RIT2: variants seen among roughly 807,000 people sequenced by gnomAD.
The protein encoded by RIT2 is Ras like without CAAX 2, also known as GTP-binding protein Rit2.
Under a neutral mutation model 23.7 loss-of-function variants are expected in RIT2, and 24 were observed. That is an observed-to-expected ratio of 1.01 (90% CI 0.73 to 1.43). The LOEUF (loss-of-function observed/expected upper bound fraction) is 1.43, where lower values mean the gene tolerates loss of function less well. RIT2 is among the 40% of genes most tolerant of loss of function. The probability of loss-of-function intolerance (pLI) is 0.00; values close to 1 mark genes in which losing one functional copy is unlikely to be tolerated. For synonymous variants in RIT2, 107 were observed against 91.1 expected (o/e 1.17, Z -0.99); for missense variants, 236 against 266.9 (o/e 0.88, Z 0.81).
chr18:42,780,994 T>C (rs1186832763), intron 4 of RIT2, among the ~76,000 whole-genome samples: 1 of 152,112 alleles, frequency 6.6e-6, no homozygotes, highest in Non-Finnish European at 1.5e-5. Context: ...AATATCTTGG[T>C]AAAAATAATC....
At chr18:43,096,839 A>C (rs1257418013) in intron 1 of RIT2, among the ~76,000 whole-genome samples, 1 of 151,868 alleles carries the variant, frequency 6.6e-6, no homozygotes, top group Admixed American at 6.6e-5. Flanking sequence ...ATGATTGATA[A>C]AATCATTTAT....
chr18:43,093,209 G>A (rs1214031536), intron 1 of RIT2, among the ~76,000 whole-genome samples: 1 of 148,570 alleles, frequency 6.7e-6, no homozygotes, highest in African/African-American at 2.6e-5. Context: ...TGAGAAAATA[G>A]AGCCCTAAAG....
chr18:43,058,112 G>A (rs1912552345), intron 1 of RIT2, among the ~76,000 whole-genome samples: 1 of 152,118 alleles, frequency 6.6e-6, no homozygotes, highest in African/African-American at 2.4e-5. Flanking sequence ...TAGCAGCCAA[G>A]TAATTTGCTG....
intron 3 of RIT2, among the ~76,000 whole-genome samples, chr18:42,940,057 A>G (rs1457974001): frequency 6.6e-6 from 1 of 151,694 alleles, no homozygotes; most frequent in Admixed American, 6.6e-5. Context: ...AATGCAGCCA[A>G]AGCCGAATAA....
At chr18:42,914,132 C>T (rs1438926723) in intron 4 of RIT2, among the ~76,000 whole-genome samples, 4 of 151,954 alleles carry the variant, frequency 2.6e-5, no homozygotes, top group South Asian at 4.1e-4. Flanking sequence ...TGAGATATCA[C>T]TATATGCTGA....
intron 1 of RIT2, among the ~76,000 whole-genome samples, chr18:43,099,899 G>A (rs9953416): frequency 0.15 from 22,941 of 152,000 alleles, 1,905 homozygotes; most frequent in Non-Finnish European, 0.18. Context: ...CTCTACTGCT[G>A]CAGCCCTGAA....
chr18:42,883,239 T>C (rs1440045679), intron 4 of RIT2, among the ~76,000 whole-genome samples: 1 of 152,146 alleles, frequency 6.6e-6, no homozygotes, highest in Non-Finnish European at 1.5e-5. Context: ...AAAACACTAC[T>C]AAGGCTAAGT....
At chr18:42,836,701 GAGTAA>G (rs554409374) in intron 4 of RIT2, among the ~76,000 whole-genome samples, 36 of 152,270 alleles carry the variant, frequency 2.4e-4, no homozygotes, top group African/African-American at 6.0e-4. Context: ...AGCCTCTGCT[GAGTAA>G]AGTAATGTTC....
intron 4 of RIT2, among the ~76,000 whole-genome samples, chr18:42,780,379 G>A (rs778515437): frequency 5.3e-5 from 8 of 151,920 alleles, no homozygotes; most frequent in Non-Finnish European, 1.0e-4. Context: ...AAAGGGTTCT[G>A]GAAGCCCAAG....
intron 1 of RIT2, among the ~76,000 whole-genome samples, chr18:43,072,748 T>C (rs1199948792): frequency 1.3e-5 from 2 of 152,308 alleles, no homozygotes; most frequent in Middle Eastern, 3.4e-3. Context: ...TTTCAGGCTT[T>C]TTGCAACTTC....
intron 4 of RIT2, among the ~76,000 whole-genome samples, chr18:42,750,362 ATGG>A (rs1405805727): frequency 2.0e-5 from 3 of 151,838 alleles, no homozygotes; most frequent in Admixed American, 1.3e-4. Flanking sequence ...ATTAACCAAT[ATGG>A]TGATTTTTGG....
At chr18:42,987,030 T>C (rs1354147920) in intron 2 of RIT2, among the ~76,000 whole-genome samples, 1 of 152,166 alleles carries the variant, frequency 6.6e-6, no homozygotes, top group African/African-American at 2.4e-5. Flanking sequence ...TGTAAAATGG[T>C]TCAACCAGTT....
At chr18:42,781,800 C>T (rs567024261) in intron 4 of RIT2, among the ~76,000 whole-genome samples, 51 of 152,264 alleles carry the variant, frequency 3.3e-4, no homozygotes, top group Non-Finnish European at 6.2e-4. Context: ...GAGAATAATG[C>T]GAACTTAAAT....
intron 1 of RIT2, among the ~76,000 whole-genome samples, chr18:43,107,414 GGCGTGCACGCGT>G (rs1169582038): frequency 6.6e-6 from 1 of 151,992 alleles, no homozygotes; most frequent in Non-Finnish European, 1.5e-5. Context: ...CACAGGTCTA[GGCGTGCACGCGT>G]GCGTGCACGC....
intron 1 of RIT2, among the ~76,000 whole-genome samples, chr18:43,072,654 T>C (rs897520564): frequency 1.3e-5 from 2 of 152,168 alleles, no homozygotes; most frequent in East Asian, 1.9e-4. Flanking sequence ...TTTGGTATTT[T>C]TCCCCCATGC....
intron 1 of RIT2, among the ~76,000 whole-genome samples, chr18:43,038,117 A>T (rs531735154): frequency 1.3e-5 from 2 of 150,274 alleles, no homozygotes; most frequent in African/African-American, 4.9e-5. Flanking sequence ...AGGCAGGAGA[A>T]TAGTGTGAAC....
chr18:42,865,531 T>C (rs1401557808), intron 4 of RIT2, among the ~76,000 whole-genome samples: 1 of 152,182 alleles, frequency 6.6e-6, no homozygotes, highest in Non-Finnish European at 1.5e-5. Context: ...GAGTCACTCA[T>C]TCACTCAATA....
At chr18:42,917,425 C>T (rs1445983873) in intron 4 of RIT2, among the ~76,000 whole-genome samples, 1 of 152,066 alleles carries the variant, frequency 6.6e-6, no homozygotes, top group African/African-American at 2.4e-5. Flanking sequence ...GGGCTCTAAA[C>T]CTCACTGTAA....
rs150649071 is a variant in RIT2, at chr18:42,845,570, C to T, written c.426+78002G>A. Among the ~76,000 whole-genome samples, 765 of 150,042 alleles carry T rather than the reference C, an allele frequency of 5.1e-3. 5 individuals carry two copies. The highest frequency in any genetic ancestry group is 9.0e-3 in the Non-Finnish European group (608 of 67,530). On this transcript the variant is annotated intron_variant, in intron 4 of 4. Transcript: ENST00000326695. The stretch of plus-strand genomic sequence containing the variant: ...GTAGAATGTACATGTTTTTCCAGTA[C>T]GTGAAACAATTATAAATATTGGTCA...
Sources: gnomAD v4.1 joint callset for allele counts (sites outside exome capture counted in the v4.1 genomes callset) on GRCh38, gnomAD v4.1.1 for gene constraint, MANE v1.5 for transcripts, NCBI Gene and HGNC (gene_info 2026-07-23, HGNC 2026-07-21) for gene names.